PPFIA2: variants seen among roughly 807,000 people sequenced by gnomAD.
PPFIA2 encodes the protein liprin-alpha-2.
Under a neutral mutation model 175.5 loss-of-function variants are expected in PPFIA2, and 46 were observed. The ratio of observed to expected loss-of-function variants is 0.26; its 90% CI spans 0.21 to 0.34. PPFIA2 has a LOEUF of 0.34. Ranked by LOEUF, PPFIA2 falls within the 10% of genes least tolerant of loss-of-function variation. The probability of loss-of-function intolerance (pLI) is 1.00; values close to 1 mark genes in which losing one functional copy is unlikely to be tolerated. For synonymous variants in PPFIA2, 568 were observed against 511.4 expected (o/e 1.11, Z -1.49); for missense variants, 1,179 against 1,506.1 (o/e 0.78, Z 3.60).
At chr12:81,712,399 T>C (rs908228834) in intron 3 of PPFIA2, among the ~76,000 whole-genome samples, 4 of 151,232 alleles carry the variant, frequency 2.6e-5, no homozygotes, top group African/African-American at 9.7e-5. Context: ...ATTTTTTCTG[T>C]ATGGCAGGAA....
chr12:81,306,069 G>A (rs201555602), intron 22 of PPFIA2, among the ~76,000 whole-genome samples: 1 of 152,104 alleles, frequency 6.6e-6, no homozygotes, highest in Admixed American at 6.5e-5. Context: ...CACTCATGAT[G>A]GCCATTTCAT....
At chr12:81,670,439 T>C (rs1418892253) in intron 4 of PPFIA2, among the ~76,000 whole-genome samples, 2 of 152,054 alleles carry the variant, frequency 1.3e-5, no homozygotes, top group Non-Finnish European at 2.9e-5. Flanking sequence ...CCCATGTCTA[T>C]GACCACAATC....
chr12:81,445,431 T>C (rs2051076206), intron 6 of PPFIA2, 125 bp downstream of exon 6: 3 of 825,148 alleles, frequency 3.6e-6, no homozygotes, highest in Non-Finnish European at 5.6e-6. Context: ...TGATTTTTCA[T>C]ATAACTCAAA....
intron 8 of PPFIA2, among the ~76,000 whole-genome samples, chr12:81,393,892 G>T (rs1395119794): frequency 6.6e-6 from 1 of 151,974 alleles, no homozygotes; most frequent in Non-Finnish European, 1.5e-5. Flanking sequence ...GAATCACTTT[G>T]GTAGAGGTTG....
At chr12:81,647,013 G>A (rs903257296) in intron 4 of PPFIA2, among the ~76,000 whole-genome samples, 4 of 149,594 alleles carry the variant, frequency 2.7e-5, no homozygotes, top group African/African-American at 9.8e-5. Context: ...CTTTCAGGCA[G>A]AGATATGAAA....
intron 3 of PPFIA2, among the ~76,000 whole-genome samples, chr12:81,752,992 T>C (rs932787766): frequency 2.6e-5 from 4 of 151,484 alleles, no homozygotes; most frequent in African/African-American, 9.7e-5. Flanking sequence ...TGGAGTGCAG[T>C]GGCGTGATCT....
rs2035760200 is a variant in PPFIA2, at chr12:81,262,057, G to C, written c.3716-17C>G. 2 of 1,509,648 alleles carry C rather than the reference G, an allele frequency of 1.3e-6. No homozygotes were observed. The highest frequency in any genetic ancestry group is 1.8e-6 in the Non-Finnish European group (2 of 1,091,540). The allele number at this position is 1,509,648 out of a possible 1,614,324, so 93.5% of individuals were successfully genotyped here. The stretch of plus-strand genomic sequence containing the variant: ...ATGAAGCAACTGCAAATGGAGAAAA[G>C]GGCTTTAGAGGGACTTGGATGATTG... On this transcript the variant is annotated splice_polypyrimidine_tract_variant and intron_variant, in intron 31 of 32. Coordinates refer to ENST00000549396, the MANE Select transcript of PPFIA2 (RefSeq NM_003625.5).
At chr12:81,626,133 T>A (rs947398401) in intron 4 of PPFIA2, among the ~76,000 whole-genome samples, 1 of 151,688 alleles carries the variant, frequency 6.6e-6, no homozygotes, top group African/African-American at 2.4e-5. Flanking sequence ...ATGCTGTTAT[T>A]TACAAGATTG....
intron 10 of PPFIA2, 61 bp downstream of exon 10, chr12:81,375,735 C>G: frequency 6.7e-7 from 1 of 1,494,218 alleles, no homozygotes; most frequent in Non-Finnish European, 9.2e-7. Context: ...TTATTTACTC[C>G]GTTTTGTGAG....
intron 5 of PPFIA2, among the ~76,000 whole-genome samples, chr12:81,449,942 A>G (rs2052173322): frequency 6.6e-6 from 1 of 152,012 alleles, no homozygotes. Context: ...TTCCAGCTTC[A>G]TCCATGTCCC....
chr12:81,333,890 A>C (rs1402668191), intron 21 of PPFIA2, among the ~76,000 whole-genome samples: 1 of 152,184 alleles, frequency 6.6e-6, no homozygotes, highest in Non-Finnish European at 1.5e-5. Context: ...CTTTGATCCC[A>C]GGTGACGTTA....
chr12:81,529,620 C>G (rs893418681), intron 4 of PPFIA2, among the ~76,000 whole-genome samples: 1 of 149,984 alleles, frequency 6.7e-6, no homozygotes, highest in African/African-American at 2.5e-5. Context: ...ACTAAAAATA[C>G]AAAGGCAAGC....
chr12:81,695,411 C>T (rs151324627), intron 3 of PPFIA2, among the ~76,000 whole-genome samples: 1 of 152,132 alleles, frequency 6.6e-6, no homozygotes, highest in African/African-American at 2.4e-5. Flanking sequence ...GTGGCACCTC[C>T]CTATCCCCTC....
intron 4 of PPFIA2, among the ~76,000 whole-genome samples, chr12:81,534,516 C>CT (rs2065103261): frequency 1.3e-5 from 2 of 151,788 alleles, no homozygotes; most frequent in African/African-American, 4.8e-5. Context: ...CATTTTCCCT[C>CT]TTGGAAATTA....
intron 8 of PPFIA2, among the ~76,000 whole-genome samples, chr12:81,400,767 G>A (rs2041970907): frequency 6.6e-6 from 1 of 152,148 alleles, no homozygotes; most frequent in Non-Finnish European, 1.5e-5. Context: ...TAAGCTCAAA[G>A]TGGGAATGAT....
intron 4 of PPFIA2, among the ~76,000 whole-genome samples, chr12:81,615,687 GA>G (rs913391841): frequency 1.9e-4 from 29 of 152,086 alleles, no homozygotes; most frequent in African/African-American, 6.7e-4. Flanking sequence ...GGAGGGTTAA[GA>G]AAAAAAGCCT....
chr12:81,497,608 C>T (rs957055821), intron 4 of PPFIA2, among the ~76,000 whole-genome samples: 49 of 138,502 alleles, frequency 3.5e-4, no homozygotes, highest in African/African-American at 1.3e-3. Context: ...GGTGCGATCT[C>T]GGCTCACTGC....
chr12:81,462,980 T>C (rs1054632164), intron 4 of PPFIA2, among the ~76,000 whole-genome samples: 1 of 152,040 alleles, frequency 6.6e-6, no homozygotes, highest in Admixed American at 6.6e-5. Flanking sequence ...AAAGTATGTG[T>C]TTAACTAATA....
chr12:81,481,522 T>C (rs1013090698), intron 4 of PPFIA2, among the ~76,000 whole-genome samples: 1 of 152,126 alleles, frequency 6.6e-6, no homozygotes, highest in Non-Finnish European at 1.5e-5. Context: ...CAAAACATCA[T>C]GGTACTGGTA....
Sources: allele counts gnomAD v4.1 joint callset (sites outside exome capture counted in the v4.1 genomes callset), GRCh38; gene constraint gnomAD v4.1.1; transcripts MANE v1.5; gene names NCBI Gene and HGNC (gene_info 2026-07-23, HGNC 2026-07-21).